DNAH9: variants seen among roughly 807,000 people sequenced by gnomAD.
DNAH9 encodes dynein axonemal heavy chain 9.
Under a neutral mutation model 471.6 loss-of-function variants are expected in DNAH9, and 345 were observed. That is an observed-to-expected ratio of 0.73 (90% CI 0.67 to 0.80). The LOEUF is 0.80. DNAH9 is among the 30% of genes least tolerant of loss of function. DNAH9 has a pLI of 0.00. For missense variants in DNAH9, 5,407 were observed against 5,609.2 expected, an observed-to-expected ratio of 0.96 and a Z score of 1.15; for synonymous variants, 2,093 against 2,123.6, an observed-to-expected ratio of 0.99 and a Z score of 0.40.
At chr17:11,896,429 G>A (rs886602966) in intron 59 of DNAH9, among the ~76,000 whole-genome samples, 1 of 152,154 alleles carries the variant, frequency 6.6e-6, no homozygotes, top group African/African-American at 2.4e-5. Context: ...AAAAACAGAT[G>A]GTGGGCCAGA....
chr17:11,612,736 C>G (rs2072664804), intron 4 of DNAH9: 1 of 152,204 alleles, frequency 6.6e-6, no homozygotes. Context: ...CTTGTAAAAT[C>G]TCCTCTTTGC....
At chr17:11,668,494 A>G (rs1266420050) in intron 15 of DNAH9, among the ~76,000 whole-genome samples, 2 of 151,942 alleles carry the variant, frequency 1.3e-5, no homozygotes, top group South Asian at 2.1e-4. Context: ...GTGACACCCT[A>G]TCTCTACTAC....
chr17:11,718,412 T>C (rs1398623867), intron 26 of DNAH9, among the ~76,000 whole-genome samples: 3 of 152,288 alleles, frequency 2.0e-5, no homozygotes, highest in African/African-American at 4.8e-5. Flanking sequence ...CAGGTAGATA[T>C]TGTGCTACGC....
intron 50 of DNAH9, among the ~76,000 whole-genome samples, chr17:11,865,055 A>G (rs376531595): frequency 2.6e-5 from 4 of 151,958 alleles, no homozygotes. Flanking sequence ...GTGAATTTGA[A>G]CCTGTCATTA....
At chr17:11,659,229 G>C (rs118140644) in intron 14 of DNAH9, among the ~76,000 whole-genome samples, 11 of 152,058 alleles carry the variant, frequency 7.2e-5, no homozygotes, top group Admixed American at 7.2e-4. Context: ...TTCTACAAAC[G>C]TTTTCATTTT....
rs3074845 is a variant in DNAH9, at chr17:11,960,435, T to TAAAAAAAAAAA, written c.12844-1415_12844-1405dup. ...TGGGTGACAGAGCAAGACTCTGTCTTAAAAAAAAAAAAAAAAAAAAAAAAA... is the reference window on the plus strand; with the variant it reads ...TGGGTGACAGAGCAAGACTCTGTCTTAAAAAAAAAAAAAAAAAAAAAAAAAAAAAAAAAAAA... On this transcript the variant is annotated intron_variant, in intron 67 of 68. Coordinates refer to ENST00000262442, the MANE Select transcript of DNAH9 (RefSeq NM_001372.4). Among the ~76,000 whole-genome samples the TAAAAAAAAAAA allele has an allele frequency of 1.4e-3, 78 of 54,038 alleles. 5 individuals carry two copies. The highest frequency in any genetic ancestry group is 2.1e-3 in the Non-Finnish European group (63 of 30,420). The allele number at this position is 54,038 out of a possible 152,430, so 35.5% of individuals were successfully genotyped here.
chr17:11,848,965 T>C (rs971152566), intron 49 of DNAH9, among the ~76,000 whole-genome samples: 6 of 151,982 alleles, frequency 3.9e-5, no homozygotes, highest in African/African-American at 1.4e-4. Flanking sequence ...GCCTCCCAAG[T>C]AGCTGGGACT....
In DNAH9 at chr17:11,626,247, A is replaced by T. The variant is rs1489684044; in HGVS notation, c.1351-3170A>T. ...TTAAAAAATATCATTTAAACTTCTT[A>T]TTGATTTAAATTGCCTTTTATCTGT... On this transcript the variant is annotated intron_variant, in intron 6 of 68. Coordinates refer to ENST00000262442, the MANE Select transcript of DNAH9 (RefSeq NM_001372.4). The surrounding 1 kb of genome is among the most constrained non-coding windows in gnomAD (Gnocchi z 4.3). 6.6e-6 allele frequency among the ~76,000 whole-genome samples: 1 copy of T among 152,232 alleles called. No individual in the cohort carries two copies. The highest frequency in any genetic ancestry group is 2.4e-5 in the African/African-American group (1 of 41,466).
intron 59 of DNAH9, among the ~76,000 whole-genome samples, chr17:11,899,373 T>G (rs1973329327): frequency 1.3e-5 from 2 of 152,196 alleles, no homozygotes; most frequent in Admixed American, 1.3e-4. Flanking sequence ...CTGTTGCTCA[T>G]TAGAAAATCT....
At chr17:11,869,312 G>C in intron 51 of DNAH9, 59 bp downstream of exon 51, 1 of 1,596,848 alleles carries the variant, frequency 6.3e-7, no homozygotes, top group Non-Finnish European at 8.5e-7. Context: ...GTCAAATGCC[G>C]TGGAGGTGCA....
At chr17:11,757,916 T>A (rs2150860561) in intron 35 of DNAH9, among the ~76,000 whole-genome samples, 1 of 152,294 alleles carries the variant, frequency 6.6e-6, no homozygotes, top group East Asian at 1.9e-4. Context: ...GGAGGAAGAT[T>A]GAAAGTCCCT....
intron 59 of DNAH9, among the ~76,000 whole-genome samples, chr17:11,896,379 G>A (rs1304716743): frequency 1.3e-5 from 2 of 152,254 alleles, no homozygotes; most frequent in African/African-American, 4.8e-5. Flanking sequence ...CACAGTATAA[G>A]TGAATGGACA....
At chr17:11,776,246 A>G (rs1202095062) in intron 38 of DNAH9, among the ~76,000 whole-genome samples, 1 of 152,062 alleles carries the variant, frequency 6.6e-6, no homozygotes, top group East Asian at 1.9e-4. Context: ...GGCAGTTGCT[A>G]ATATCAGGTT....
Position 11,728,025 on chromosome 17 carries a change from T to G in DNAH9, c.5814+103T>G, listed in dbSNP as rs904352562. Reference sequence around the variant, plus strand: ...CCTCTCCTGAGCATCTACGTCCCTTTTTCCCTTGTCATTTCATGCCCCTTT... The same window carrying G: ...CCTCTCCTGAGCATCTACGTCCCTTGTTCCCTTGTCATTTCATGCCCCTTT... On this transcript the variant is annotated intron_variant, in intron 28 of 68. Coordinates refer to ENST00000262442, the MANE Select transcript of DNAH9 (RefSeq NM_001372.4). 4.0e-6 allele frequency: 3 copies of G among 744,058 alleles called. No homozygotes were observed. The African/African-American group carries it at 5.2e-5, about 13-fold the overall frequency. 46.1% of individuals were successfully genotyped at this position (744,058 alleles called of 1,614,324 possible).
At chr17:11,843,916 G>T (rs1971125729) in intron 49 of DNAH9, among the ~76,000 whole-genome samples, 1 of 138,788 alleles carries the variant, frequency 7.2e-6, no homozygotes, top group Admixed American at 7.4e-5. Context: ...GAGAATAATA[G>T]AGAGACATAA....
chr17:11,634,676 G>A (rs953469506), intron 8 of DNAH9, among the ~76,000 whole-genome samples: 1 of 152,172 alleles, frequency 6.6e-6, no homozygotes, highest in African/African-American at 2.4e-5. Flanking sequence ...CCTCCCCAAT[G>A]GAAGGCTTTT....
At chr17:11,782,556 C>T (rs1597640346) in intron 39 of DNAH9, among the ~76,000 whole-genome samples, 1 of 152,210 alleles carries the variant, frequency 6.6e-6, no homozygotes, top group Admixed American at 6.5e-5. Flanking sequence ...GTCTCCCACT[C>T]ATCGATCGGT....
intron 61 of DNAH9, among the ~76,000 whole-genome samples, chr17:11,922,103 G>C (rs980580864): frequency 6.6e-6 from 1 of 152,184 alleles, no homozygotes; most frequent in East Asian, 1.9e-4. Flanking sequence ...TGTTTCTTGG[G>C]TTCATCTCAG....
intron 19 of DNAH9, among the ~76,000 whole-genome samples, chr17:11,683,373 C>T (rs2074171388): frequency 2.0e-5 from 3 of 152,280 alleles, no homozygotes; most frequent in African/African-American, 7.2e-5. Context: ...AGGGTTTCAC[C>T]ATGTTGGTCA....
Sources: gnomAD v4.1 joint callset for allele counts (sites outside exome capture counted in the v4.1 genomes callset) on GRCh38, gnomAD v4.1.1 for gene constraint, Gnocchi (gnomAD v3.1) non-coding constraint, MANE v1.5 for transcripts, NCBI Gene and HGNC (gene_info 2026-07-23, HGNC 2026-07-21) for gene names.